The following TENM2 variants were observed in gnomAD, a reference collection of about 807,000 sequenced individuals.
TENM2 encodes the protein teneurin transmembrane protein 2.
TENM2 carries 52 observed loss-of-function variants against 245.2 expected under a neutral mutation model. The ratio of observed to expected loss-of-function variants is 0.21; its 90% CI spans 0.17 to 0.27. The LOEUF (loss-of-function observed/expected upper bound fraction) is 0.27, where lower values mean the gene tolerates loss of function less well. Ranked by LOEUF, TENM2 falls within the 10% of genes least tolerant of loss-of-function variation. The pLI, the probability that TENM2 is intolerant of heterozygous loss-of-function variation, is 1.00. For synonymous variants in TENM2, 1,363 were observed against 1,438.9 expected, an observed-to-expected ratio of 0.95 and a Z score of 1.19; for missense variants, 3,046 against 3,666.8, an observed-to-expected ratio of 0.83 and a Z score of 4.37.
At chr5:167,350,576 T>C (rs1208245623) in intron 1 of TENM2, among the ~76,000 whole-genome samples, 1 of 146,690 alleles carries the variant, frequency 6.8e-6, no homozygotes, top group African/African-American at 2.5e-5. Context: ...TATATAGATA[T>C]ATATATGGGA....
intron 12 of TENM2, chr5:168,128,845 T>G (rs1377043046): frequency 6.6e-6 from 1 of 152,212 alleles, no homozygotes; most frequent in African/African-American, 2.4e-5. Context: ...AAACAAAGTA[T>G]TATTACAGGA....
intron 2 of TENM2, among the ~76,000 whole-genome samples, chr5:167,661,608 G>T (rs958687015): frequency 6.6e-6 from 1 of 152,070 alleles, no homozygotes; most frequent in Non-Finnish European, 1.5e-5. Context: ...TTGATGGGCT[G>T]GTCTAAACCC....
chr5:167,516,488 C>T (rs1322717369), intron 2 of TENM2, among the ~76,000 whole-genome samples: 1 of 152,090 alleles, frequency 6.6e-6, no homozygotes, highest in Non-Finnish European at 1.5e-5. Context: ...GTAGCTTTTG[C>T]TTGTGCTCTT....
chr5:167,170,470 T>C, the TENM2 span, among the ~76,000 whole-genome samples: 1 of 152,192 alleles, frequency 6.6e-6, no homozygotes, highest in Non-Finnish European at 1.5e-5. Flanking sequence ...ATGCCTCTTA[T>C]GACATTTAAT....
chr5:168,137,125 A>G (rs1755124191), intron 12 of TENM2, among the ~76,000 whole-genome samples: 1 of 152,180 alleles, frequency 6.6e-6, no homozygotes, highest in Non-Finnish European at 1.5e-5. Context: ...AGAAAGGGTT[A>G]ACCAATGGTC....
chr5:167,600,056 G>A (rs1357196544), intron 2 of TENM2, among the ~76,000 whole-genome samples: 13 of 26,080 alleles, frequency 5.0e-4, no homozygotes, highest in South Asian at 1.3e-3. Context: ...TGAGGCGGGA[G>A]AATTGCTTGA....
At chr5:168,248,614 A>T (rs1464977740) in intron 27 of TENM2, among the ~76,000 whole-genome samples, 2 of 152,250 alleles carry the variant, frequency 1.3e-5, no homozygotes, top group Non-Finnish European at 2.9e-5. Context: ...AAATAACTTT[A>T]TAAGAGCCCT....
At chr5:167,197,434 G>T in the TENM2 span, among the ~76,000 whole-genome samples, 2 of 152,096 alleles carry the variant, frequency 1.3e-5, no homozygotes, top group Middle Eastern at 3.2e-3. Flanking sequence ...GAATGGAGGA[G>T]GGGGTCAGTC....
chr5:167,403,472 C>T (rs2127389709), intron 2 of TENM2, among the ~76,000 whole-genome samples: 1 of 152,226 alleles, frequency 6.6e-6, no homozygotes, highest in East Asian at 1.9e-4. Flanking sequence ...CTGGATATTC[C>T]TTCTAATGAT....
chr5:168,109,200 A>T (rs1040916208), intron 9 of TENM2, among the ~76,000 whole-genome samples: 1 of 152,186 alleles, frequency 6.6e-6, no homozygotes, highest in African/African-American at 2.4e-5. Context: ...ACATACAGGG[A>T]TTCTTTGGCA....
intron 12 of TENM2, among the ~76,000 whole-genome samples, chr5:168,136,914 C>G (rs1284376787): frequency 1.3e-5 from 2 of 152,212 alleles, no homozygotes; most frequent in African/African-American, 4.8e-5. Flanking sequence ...AATGCAAGAG[C>G]CCCTGTGATC....
In TENM2 at chr5:167,384,203, A is replaced by G. The variant is rs74652166; in HGVS notation, c.502+8730A>G. Among the ~76,000 whole-genome samples the G allele has an allele frequency of 8.9e-3, 1,363 of 152,322 alleles. 40 individuals carry two copies. Among genetic ancestry groups the G allele is most frequent in the East Asian group, 0.082 (424 of 5,180 alleles). On this transcript the variant is annotated intron_variant, in intron 2 of 28. Coordinates refer to ENST00000518659, the Ensembl canonical transcript of TENM2. ...TTTCTTGAAGAAACCAAGCACTCCT[A>G]TGCATTTACAGAGACATTCCTGTCT... is the stretch of plus-strand genomic sequence containing the variant.
chr5:167,445,885 G>A (rs1765178840), intron 2 of TENM2, among the ~76,000 whole-genome samples: 1 of 152,146 alleles, frequency 6.6e-6, no homozygotes, highest in Admixed American at 6.5e-5. Context: ...CTTGACCACA[G>A]TCTGTTCAGT....
At chr5:167,875,899 T>A in intron 2 of TENM2, 87 bp from the exon 5 acceptor site, 1 of 796,632 alleles carries the variant, frequency 1.3e-6, no homozygotes, top group Non-Finnish European at 2.0e-6. Flanking sequence ...TTAATATTTA[T>A]ATTGTGAGCT....
At chr5:167,399,334 G>C (rs1300717054) in intron 2 of TENM2, among the ~76,000 whole-genome samples, 1 of 152,210 alleles carries the variant, frequency 6.6e-6, no homozygotes, top group Non-Finnish European at 1.5e-5. Context: ...GAGCGAGCGA[G>C]AGATGTGGGA....
intron 4 of TENM2, among the ~76,000 whole-genome samples, chr5:167,969,435 T>C (rs891799980): frequency 6.6e-6 from 1 of 152,210 alleles, no homozygotes; most frequent in South Asian, 2.1e-4. Context: ...CATGTGGAAC[T>C]GTAAGTCCAT....
intron 3 of TENM2, among the ~76,000 whole-genome samples, chr5:167,878,013 G>A (rs1773572815): frequency 1.3e-5 from 2 of 152,148 alleles, no homozygotes; most frequent in African/African-American, 2.4e-5. Context: ...GGGATAAAAT[G>A]AGCTTTTAAA....
intron 9 of TENM2, among the ~76,000 whole-genome samples, chr5:168,102,763 T>C (rs1363766073): frequency 6.6e-6 from 1 of 152,278 alleles, no homozygotes; most frequent in Non-Finnish European, 1.5e-5. Context: ...GTTAAGCCTA[T>C]ACTTCCAGTT....
At chr5:166,996,941 A>G in the TENM2 span, among the ~76,000 whole-genome samples, 1 of 152,202 alleles carries the variant, frequency 6.6e-6, no homozygotes, top group Admixed American at 6.5e-5. Context: ...TACACACAGC[A>G]GTTATTCCTC....
Sources: allele counts gnomAD v4.1 joint callset (sites outside exome capture counted in the v4.1 genomes callset), GRCh38; gene constraint gnomAD v4.1.1; transcripts MANE v1.5; gene names NCBI Gene and HGNC (gene_info 2026-07-23, HGNC 2026-07-21).